Variants in SLC47A1 observed in about 807,000 individuals in gnomAD.
SLC47A1 encodes multidrug and toxin extrusion protein 1.
Under a neutral mutation model 65.8 loss-of-function variants are expected in SLC47A1, and 58 were observed. That is an observed-to-expected ratio of 0.88 (90% CI 0.71 to 1.10). The LOEUF is 1.10. Among genes scored for constraint, SLC47A1 ranks in the 50% least tolerant of loss-of-function variants. The pLI is 0.00. For missense variants in SLC47A1, 706 were observed against 719.2 expected (o/e 0.98, Z 0.21); for synonymous variants, 285 against 295.0 (o/e 0.97, Z 0.35).
At chr17:19,556,121 A>C in intron 10 of SLC47A1, 59 bp downstream of exon 10, 1 of 1,576,206 alleles carries the variant, frequency 6.3e-7, no homozygotes, top group Non-Finnish European at 8.7e-7. Context: ...TGGTATCTGA[A>C]AGAGTCTATG....
In SLC47A1 at chr17:19,560,427, C is replaced by T. The variant is rs768677139; in HGVS notation, c.1040C>T (p.Ala347Val). The change falls in exon 12 of 17, where the codon GCT (alanine) becomes GTT (valine). Residue 347 changes from alanine (A) to valine (V), a missense_variant. Transcript: ENST00000270570. ...TVSLLITVLF[A>V]VAFSVLLLSC... ...CCGTTTTTACCTTCAGTGCTCTTTG[C>T]TGTAGCCTTCAGTGTCCTGCTGTTA... 2 of 1,614,212 alleles carry T rather than the reference C, an allele frequency of 1.2e-6. No homozygotes were observed. The highest frequency in any genetic ancestry group is 1.7e-6 in the Non-Finnish European group (2 of 1,180,030).
At position 19,548,012 on chromosome 17, in the gene SLC47A1, G is replaced by A. The variant is rs749264977; in HGVS notation, c.334G>A (p.Val112Met). The A allele has an allele frequency of 3.5e-5, 56 of 1,613,634 alleles. No homozygotes were observed. Among genetic ancestry groups the A allele is most frequent in the Non-Finnish European group, 4.3e-5 (51 of 1,179,744 alleles). The change falls in exon 4 of 17, where the codon GTG becomes ATG. Residue 112 changes from valine to methionine, a missense_variant. Coordinates refer to ENST00000270570, the MANE Select transcript of SLC47A1 (RefSeq NM_018242.3). Reference sequence around the variant, plus strand: ...GTACGGGAGCCAGAACCTGAAGCACGTGGGCGTGATCCTGCAGCGGAGTGC... The same window carrying A: ...GTACGGGAGCCAGAACCTGAAGCACATGGGCGTGATCCTGCAGCGGAGTGC... ...QTYGSQNLKH[V>M]GVILQRSALV...
intron 6 of SLC47A1, among the ~76,000 whole-genome samples, chr17:19,554,835 T>C (rs1916556875): frequency 1.3e-5 from 2 of 152,224 alleles, no homozygotes; most frequent in South Asian, 4.1e-4. Flanking sequence ...AATTTCTATT[T>C]TGGTGAAGAA....
intron 3 of SLC47A1, among the ~76,000 whole-genome samples, chr17:19,547,369 A>G (rs1327068328): frequency 1.6e-5 from 2 of 126,954 alleles, no homozygotes; most frequent in Non-Finnish European, 3.2e-5. Flanking sequence ...TTTTTTTGAG[A>G]TGGACTCTGG....
In SLC47A1 at chr17:19,544,694, C is replaced by G. The variant is rs75788926; in HGVS notation, c.238-1741C>G. ...CCCCAGGGTACGGACGCAGGCCATG[C>G]TAGGTCTCCAGCAGGCGGACTTTTC... On this transcript the variant is annotated intron_variant, in intron 2 of 16. Coordinates refer to ENST00000270570, the MANE Select transcript of SLC47A1 (RefSeq NM_018242.3). Among the ~76,000 whole-genome samples the G allele has an allele frequency of 1.1e-3, 172 of 152,334 alleles. No homozygotes were observed. In the East Asian group the frequency reaches 0.032, roughly 28 times the overall value.
rs773197178 is a variant in SLC47A1, at chr17:19,560,878, T to TAAA, written c.1106+400_1106+402dup. On this transcript the variant is annotated intron_variant, in intron 12 of 16. Transcript: ENST00000270570. ...TGGGCAACAGAGCAAGACTCCGTCT[T>TAAA]AAAAAAAAAAAAAAAAAGAAAGAAA... Among the ~76,000 whole-genome samples, 178 of 116,142 alleles carry TAAA rather than the reference T, an allele frequency of 1.5e-3. 1 individual carries two copies. Among genetic ancestry groups the TAAA allele is most frequent in the African/African-American group, 5.4e-3 (171 of 31,514 alleles). 76.2% of individuals were successfully genotyped at this position (116,142 alleles called of 152,430 possible).
chr17:19,533,891 G>A lies in SLC47A1; in HGVS notation c.-49G>A, dbSNP rs774710134. The A allele has an allele frequency of 6.9e-7, 1 of 1,439,396 alleles. No homozygotes were observed. The highest frequency in any genetic ancestry group is 1.5e-5 in the African/African-American group (1 of 67,212). 89.2% of individuals were successfully genotyped at this position (1,439,396 alleles called of 1,614,324 possible). A position where few individuals can be genotyped will look rare whatever the true frequency, so the allele number is the denominator to read the frequency against. On this transcript the variant is annotated 5_prime_UTR_variant, in exon 1 of 17. Transcript: ENST00000270570. The stretch of plus-strand genomic sequence containing the variant: ...CGCGGTACTCACTGCCGGCCTCCGC[G>A]GTACCCACTGCCGGCCTCCGCGCTA...
chr17:19,559,543 T>G (rs2084290655), intron 10 of SLC47A1, among the ~76,000 whole-genome samples: 1 of 152,212 alleles, frequency 6.6e-6, no homozygotes, highest in South Asian at 2.1e-4. Context: ...TTTTATTTAT[T>G]TATTTTGAGA....
At chr17:19,549,802 C>A in intron 5 of SLC47A1, 125 bp downstream of exon 5, 1 of 1,012,560 alleles carries the variant, frequency 9.9e-7, no homozygotes, top group Non-Finnish European at 1.5e-6. Flanking sequence ...TTGGTGCCTT[C>A]AAGGAAGCCT....
chr17:19,568,530 T>A (rs2084376930), intron 14 of SLC47A1, among the ~76,000 whole-genome samples: 1 of 152,224 alleles, frequency 6.6e-6, no homozygotes, highest in African/African-American at 2.4e-5. Context: ...TATTATATCT[T>A]TTAAACTTTA....
intron 16 of SLC47A1, among the ~76,000 whole-genome samples, chr17:19,574,949 T>TA (rs1410845634): frequency 6.6e-6 from 1 of 152,214 alleles, no homozygotes; most frequent in South Asian, 2.1e-4. Context: ...CAATGGCACT[T>TA]ACTTTTATAC....
At chr17:19,566,409 G>A (rs1003540850) in intron 12 of SLC47A1, among the ~76,000 whole-genome samples, 2 of 152,098 alleles carry the variant, frequency 1.3e-5, no homozygotes, top group East Asian at 1.9e-4. Flanking sequence ...GCATGTGCAT[G>A]TCTGTAATAT....
At position 19,556,332 on chromosome 17, in the gene SLC47A1, T is replaced by A. The variant is rs374032437; in HGVS notation, c.921+270T>A. Among the ~76,000 whole-genome samples the A allele has an allele frequency of 7.1e-4, 108 of 152,248 alleles. No individual in the cohort carries two copies. The South Asian group carries it at 0.021, about 29-fold the overall frequency. On this transcript the variant is annotated intron_variant, in intron 10 of 16. Transcript: ENST00000270570. ...CAGCTGAATCTTCCCTTGAAAGATT[T>A]GATTTTGTTTCCATACTTTTAGAAT...
At chr17:19,573,920 CT>C (rs397856610) in intron 16 of SLC47A1, among the ~76,000 whole-genome samples, 24,111 of 122,390 alleles carry the variant, frequency 0.2, 2,151 homozygotes, top group East Asian at 0.28. Context: ...CTGGTTCATG[CT>C]TTTTTTTTTT....
intron 10 of SLC47A1, among the ~76,000 whole-genome samples, chr17:19,558,274 C>A (rs904650900): frequency 2.0e-5 from 3 of 152,168 alleles, no homozygotes; most frequent in South Asian, 2.1e-4. Context: ...AGGCCGTTAT[C>A]TGTAGAAGTT....
intron 11 of SLC47A1, 46 bp from the exon 12 acceptor site, chr17:19,560,372 A>C (rs8081204): frequency 6.2e-7 from 1 of 1,612,306 alleles, no homozygotes; most frequent in Admixed American, 1.7e-5. Flanking sequence ...CTTCCTGTGG[A>C]TCTTCTTGTT....
intron 3 of SLC47A1, among the ~76,000 whole-genome samples, chr17:19,546,743 T>C (rs1302852576): frequency 2.0e-5 from 3 of 152,220 alleles, no homozygotes; most frequent in Admixed American, 2.0e-4. Flanking sequence ...GGGGACATTT[T>C]GTAAAATTCC....
At chr17:19,570,020 G>T (rs945946771) in intron 14 of SLC47A1, among the ~76,000 whole-genome samples, 4 of 152,206 alleles carry the variant, frequency 2.6e-5, no homozygotes, top group Admixed American at 6.5e-5. Flanking sequence ...GCCAAGGCAG[G>T]AGGATCACTT....
intron 12 of SLC47A1, 59 bp downstream of exon 12, chr17:19,560,552 A>G (rs1430229914): frequency 1.3e-6 from 2 of 1,558,366 alleles, no homozygotes; most frequent in African/African-American, 1.4e-5. Context: ...GTTCATTGAG[A>G]AAATTTGTTC....
Sources: gnomAD v4.1 joint callset for allele counts (sites outside exome capture counted in the v4.1 genomes callset) on GRCh38, gnomAD v4.1.1 for gene constraint, MANE v1.5 for transcripts, NCBI Gene and HGNC (gene_info 2026-07-23, HGNC 2026-07-21) for gene names.